The following ANP32A variants were observed in gnomAD, a reference collection of about 807,000 sequenced individuals.
ANP32A encodes acidic nuclear phosphoprotein 32 family member A, also known as acidic leucine-rich nuclear phosphoprotein 32 family member A.
In ANP32A, 1 loss-of-function variant was observed where a neutral mutation model predicts 33.9. That is an observed-to-expected ratio of 0.03 (90% CI 0.01 to 0.14). The LOEUF (loss-of-function observed/expected upper bound fraction) is 0.14. ANP32A is among the 10% of genes least tolerant of loss of function. ANP32A has a pLI of 1.00. For synonymous variants in ANP32A, 115 were observed against 120.5 expected (o/e 0.95, Z 0.30); for missense variants, 155 against 306.0 (o/e 0.51, Z 3.68).
In ANP32A at chr15:68,787,475, T is replaced by A. The variant is rs545923966; in HGVS notation, c.265A>T (p.Asn89Tyr). 5.0e-6 allele frequency: 8 copies of A among 1,614,210 alleles called. No individual in the cohort carries two copies. The South Asian group carries it at 7.7e-5, about 16-fold the overall frequency. Reference sequence around the variant, plus strand: ...CCACTTAAATTTAGATGCGTGAGGTTCGGACACTTTTCTGCCAATACTTCC... The same window carrying A: ...CCACTTAAATTTAGATGCGTGAGGTACGGACACTTTTCTGCCAATACTTCC... ...GLEVLAEKCP[N>Y]LTHLNLSGNK... is the part of the protein sequence containing the mutation. The change falls in exon 3 of 7, where the codon AAC (asparagine) becomes TAC (tyrosine). Residue 89 changes from asparagine to tyrosine, a missense_variant. Asn to Tyr is a moderately radical substitution (Grantham distance 143, BLOSUM62 -2). Around this residue, in one of 4 missense-constraint regions of ANP32A, gnomAD observed 85 missense variants for 183.8 expected, o/e 0.46. Coordinates refer to ENST00000465139, the MANE Select transcript of ANP32A (RefSeq NM_006305.4).
chr15:68,801,836 G>C (rs1197051348), intron 1 of ANP32A: 2 of 154,766 alleles, frequency 1.3e-5, no homozygotes, highest in African/African-American at 4.8e-5. Context: ...AGAGGTGTGT[G>C]CTCAGAGGAT....
chr15:68,791,719 T>G (rs1473440393), intron 1 of ANP32A: 1 of 152,646 alleles, frequency 6.6e-6, no homozygotes, highest in Non-Finnish European at 1.5e-5. Flanking sequence ...CCCTGGTTGG[T>G]TTCAGCACCA....
At chr15:68,796,208 A>G (rs894023732) in intron 1 of ANP32A, among the ~76,000 whole-genome samples, 3 of 152,156 alleles carry the variant, frequency 2.0e-5, no homozygotes, top group Admixed American at 1.3e-4. Flanking sequence ...CAGCTTCTCA[A>G]GTAGCTGGAA....
intron 1 of ANP32A, among the ~76,000 whole-genome samples, chr15:68,800,289 C>T (rs1375360343): frequency 6.6e-6 from 1 of 152,148 alleles, no homozygotes; most frequent in African/African-American, 2.4e-5. Context: ...GTATTTACTA[C>T]ATGCCATGCC....
chr15:68,787,314 A>C, intron 3 of ANP32A, 99 bp downstream of exon 3: 1 of 1,548,840 alleles, frequency 6.5e-7, no homozygotes, highest in Non-Finnish European at 8.9e-7. Flanking sequence ...GAGTCAAAAA[A>C]ATTAAGTGGG....
At chr15:68,818,670 C>T (rs927506527) in intron 1 of ANP32A, among the ~76,000 whole-genome samples, 1 of 152,254 alleles carries the variant, frequency 6.6e-6, no homozygotes, top group South Asian at 2.1e-4. Context: ...ACCCGCTTTC[C>T]TGCTTGCTCC....
intron 1 of ANP32A, among the ~76,000 whole-genome samples, chr15:68,800,823 G>C (rs1894124865): frequency 6.6e-6 from 1 of 151,454 alleles, no homozygotes; most frequent in South Asian, 2.1e-4. Flanking sequence ...GGGTAACCAG[G>C]AAGGCCTATC....
In ANP32A at chr15:68,809,740, G is replaced by A. The variant is rs565959139; in HGVS notation, c.54+10958C>T. The stretch of plus-strand genomic sequence containing the variant: ...GCTTCGTTTCAGTGGCTTCGTGCTT[G>A]ATGTACCAACCGGTAGGTGATGAAA... On this transcript the variant is annotated intron_variant, in intron 1 of 6. Coordinates refer to ENST00000465139, the MANE Select transcript of ANP32A (RefSeq NM_006305.4). Among the ~76,000 whole-genome samples the A allele has an allele frequency of 1.3e-4, 20 of 152,282 alleles. No homozygotes were observed. In the South Asian group the frequency reaches 2.9e-3, roughly 22 times the overall value.
chr15:68,807,001 A>C (rs1437933856), intron 1 of ANP32A, among the ~76,000 whole-genome samples: 1 of 152,250 alleles, frequency 6.6e-6, no homozygotes, highest in Non-Finnish European at 1.5e-5. Flanking sequence ...GCCCTCTGGC[A>C]GGGGGTATGG....
chr15:68,800,102 A>C (rs1894110918), intron 1 of ANP32A, among the ~76,000 whole-genome samples: 1 of 152,160 alleles, frequency 6.6e-6, no homozygotes, highest in Non-Finnish European at 1.5e-5. Context: ...AAAGAGCTTC[A>C]TACATAAAGA....
At chr15:68,790,597 G>A (rs1027786019) in intron 1 of ANP32A, 11 of 152,182 alleles carry the variant, frequency 7.2e-5, no homozygotes, top group African/African-American at 2.7e-4. Flanking sequence ...CACACTCTAG[G>A]TGCTTCATAC....
Position 68,780,291 on chromosome 15 carries a change from A to C in ANP32A, c.688+119T>G. The C allele has an allele frequency of 6.4e-7, 1 of 1,570,336 alleles. No homozygotes were observed. The highest frequency in any genetic ancestry group is 8.6e-7 in the Non-Finnish European group (1 of 1,158,756). On this transcript the variant is annotated intron_variant, in intron 6 of 6. Coordinates refer to ENST00000465139, the MANE Select transcript of ANP32A (RefSeq NM_006305.4). The surrounding 1 kb of genome is among the most constrained non-coding windows in gnomAD (Gnocchi z 4.3). ...AGACATCTGCACAGCTGGAAGGGGA[A>C]TCTGAGGCCTCTGACAGGAGTGTCC...
chr15:68,819,579 G>A (rs1029099474), intron 1 of ANP32A, among the ~76,000 whole-genome samples: 1 of 152,210 alleles, frequency 6.6e-6, no homozygotes, highest in Non-Finnish European at 1.5e-5. Flanking sequence ...CGCCAGCTCC[G>A]GGCAGCTCGC....
At chr15:68,809,338 C>G (rs1418065574) in intron 1 of ANP32A, among the ~76,000 whole-genome samples, 1 of 152,184 alleles carries the variant, frequency 6.6e-6, no homozygotes, top group African/African-American at 2.4e-5. Context: ...GTTTCTTTTA[C>G]AGAGTGAACT....
chr15:68,780,553 A>G lies in ANP32A; in HGVS notation c.625-80T>C. On this transcript the variant is annotated intron_variant, in intron 5 of 6. Coordinates refer to ENST00000465139, the MANE Select transcript of ANP32A (RefSeq NM_006305.4). This position sits in a 1 kb window ranked among gnomAD's most constrained non-coding sequence, Gnocchi z 4.3. Reference sequence around the variant, plus strand: ...TGAGGAAGCCACACAGAGCACAAAAAGGCCGGGGTCACCCCCAGCCTCTCA... The same window carrying G: ...TGAGGAAGCCACACAGAGCACAAAAGGGCCGGGGTCACCCCCAGCCTCTCA... The G allele has an allele frequency of 6.3e-7, 1 of 1,584,752 alleles. No homozygotes were observed. The highest frequency in any genetic ancestry group is 8.6e-7 in the Non-Finnish European group (1 of 1,166,676).
rs1056707249 is a variant in ANP32A at position 68,788,056 on chromosome 15, C to T, written c.55-137G>A. Reference sequence around the variant, plus strand: ...CACTCCGTCACTTCTTCTAGCTTTCCGGATCACTGTGCTGCCAACGACCAC... The same window carrying T: ...CACTCCGTCACTTCTTCTAGCTTTCTGGATCACTGTGCTGCCAACGACCAC... On this transcript the variant is annotated intron_variant, in intron 1 of 6. Transcript: ENST00000465139. The T allele has an allele frequency of 4.7e-5, 53 of 1,118,840 alleles. No homozygotes were observed. The South Asian group carries it at 5.8e-4, about 12-fold the overall frequency. The allele number at this position is 1,118,840 out of a possible 1,614,324, so 69.3% of individuals were successfully genotyped here.
chr15:68,784,162 T>G, intron 4 of ANP32A: 1 of 581,900 alleles, frequency 1.7e-6, no homozygotes, highest in Non-Finnish European at 3.1e-6. Flanking sequence ...GACTCATGCT[T>G]TGTTCTTTTA....
intron 1 of ANP32A, among the ~76,000 whole-genome samples, chr15:68,788,167 G>A (rs143417993): frequency 6.6e-6 from 1 of 152,156 alleles, no homozygotes; most frequent in African/African-American, 2.4e-5. Flanking sequence ...GCAGAACCAG[G>A]GGGCCACTCC....
At chr15:68,785,086 C>A (rs147345479) in intron 3 of ANP32A, among the ~76,000 whole-genome samples, 3 of 152,288 alleles carry the variant, frequency 2.0e-5, no homozygotes, top group African/African-American at 7.2e-5. Context: ...TATCTCACAA[C>A]CCCTGTAAGG....
Sources: allele counts gnomAD v4.1 joint callset (sites outside exome capture counted in the v4.1 genomes callset), GRCh38; gene constraint gnomAD v4.1.1; regional missense constraint gnomAD v4.1.1; non-coding constraint Gnocchi (gnomAD v3.1); transcripts MANE v1.5; gene names NCBI Gene and HGNC (gene_info 2026-07-23, HGNC 2026-07-21).